The following CSMD1 variants were observed in gnomAD, a reference collection of about 807,000 sequenced individuals.
The protein encoded by CSMD1 is CUB and sushi domain-containing protein 1.
CSMD1 carries 213 observed loss-of-function variants against 417.5 expected under a neutral mutation model. The ratio of observed to expected loss-of-function variants is 0.51; its 90% CI spans 0.46 to 0.57. CSMD1 has a LOEUF of 0.57. Ranked by LOEUF, CSMD1 falls within the 20% of genes least tolerant of loss-of-function variation. The pLI, the probability that CSMD1 is intolerant of heterozygous loss-of-function variation, is 0.00. For synonymous variants in CSMD1, 2,862 were observed against 1,736.8 expected (o/e 1.65, Z -16.11); for missense variants, 6,923 against 4,529.7 (o/e 1.53, Z -15.17).
intron 10 of CSMD1, among the ~76,000 whole-genome samples, chr8:3,563,614 G>T (rs1799568444): frequency 6.6e-6 from 1 of 152,114 alleles, no homozygotes; most frequent in Non-Finnish European, 1.5e-5. Flanking sequence ...AACCTGGCCT[G>T]GCACAGTGGC....
intron 25 of CSMD1, among the ~76,000 whole-genome samples, chr8:3,296,425 GA>G (rs1179207519): frequency 1.3e-5 from 2 of 152,158 alleles, no homozygotes; most frequent in African/African-American, 4.8e-5. Context: ...TGGTGGGAGA[GA>G]GGTGCCTACG....
intron 1 of CSMD1, among the ~76,000 whole-genome samples, chr8:4,770,897 G>A (rs937139313): frequency 2.6e-5 from 4 of 152,076 alleles, no homozygotes; most frequent in Non-Finnish European, 2.9e-5. Context: ...TGGCCTTGAC[G>A]ATGATTTCCC....
chr8:4,211,208 T>A (rs13272241), intron 3 of CSMD1, among the ~76,000 whole-genome samples: 3 of 152,086 alleles, frequency 2.0e-5, no homozygotes, highest in Non-Finnish European at 1.5e-5. Flanking sequence ...ATTTGCCTTT[T>A]TTTTTTTAGC....
Position 4,417,706 on chromosome 8 carries a change from T to G in CSMD1, c.415+2247A>C, listed in dbSNP as rs183567529. Among the ~76,000 whole-genome samples the G allele has an allele frequency of 3.0e-3, 459 of 152,094 alleles. 6 individuals are homozygous for G. The highest frequency in any genetic ancestry group is 1.7e-3 in the Non-Finnish European group (117 of 67,888). On this transcript the variant is annotated intron_variant, in intron 3 of 69. Coordinates refer to ENST00000635120, the MANE Select transcript of CSMD1 (RefSeq NM_033225.6). ...TAAAAACTAATGGGAAAAGAGGAAA[T>G]CTGAGGTATCAGAAAGAGAATTTTG... is the stretch of plus-strand genomic sequence containing the variant.
Position 4,384,843 on chromosome 8 carries a change from G to T in CSMD1, c.415+35110C>A, listed in dbSNP as rs137916313. On this transcript the variant is annotated intron_variant, in intron 3 of 69. Transcript: ENST00000635120. Reference sequence around the variant, plus strand: ...GCTACCTAATTTGAGTAGAGAAAGAGGCTACTGTTTGATCTTAACAAATAC... The same window carrying T: ...GCTACCTAATTTGAGTAGAGAAAGATGCTACTGTTTGATCTTAACAAATAC... 5.9e-3 allele frequency among the ~76,000 whole-genome samples: 902 copies of T among 152,206 alleles called. 5 individuals carry two copies. The highest frequency in any genetic ancestry group is 1.0e-2 in the Non-Finnish European group (678 of 68,012).
chr8:4,888,162 T>C (rs932081018), intron 1 of CSMD1, among the ~76,000 whole-genome samples: 2 of 151,846 alleles, frequency 1.3e-5, no homozygotes, highest in African/African-American at 4.8e-5. Context: ...TATGAATAAA[T>C]TGATACATTG....
intron 3 of CSMD1, among the ~76,000 whole-genome samples, chr8:4,276,041 A>G (rs1210460577): frequency 6.6e-6 from 1 of 152,158 alleles, no homozygotes; most frequent in East Asian, 1.9e-4. Flanking sequence ...AATTAGTTCA[A>G]CCGTTGTGGA....
chr8:4,039,468 C>A (rs1563350633), intron 3 of CSMD1, among the ~76,000 whole-genome samples: 1 of 152,198 alleles, frequency 6.6e-6, no homozygotes. Context: ...TACATTTCTT[C>A]TCTTTACTGG....
chr8:3,970,861 C>T (rs566030004), intron 5 of CSMD1, among the ~76,000 whole-genome samples: 14 of 152,252 alleles, frequency 9.2e-5, no homozygotes, highest in Non-Finnish European at 1.6e-4. Context: ...ACGCCATTCT[C>T]CTGCCTCAGC....
chr8:4,613,171 T>C (rs1042882687), intron 2 of CSMD1, among the ~76,000 whole-genome samples: 2 of 152,142 alleles, frequency 1.3e-5, no homozygotes, highest in African/African-American at 2.4e-5. Context: ...ACAAGAACAA[T>C]TCTAATTCAT....
At chr8:4,445,406 TCTAATA>T (rs1216508296) in intron 2 of CSMD1, among the ~76,000 whole-genome samples, 3 of 152,322 alleles carry the variant, frequency 2.0e-5, no homozygotes, top group Admixed American at 1.3e-4. Flanking sequence ...TTTGGATTAT[TCTAATA>T]CTATTTCTTA....
At chr8:4,428,735 A>C (rs1797702797) in intron 2 of CSMD1, among the ~76,000 whole-genome samples, 1 of 151,998 alleles carries the variant, frequency 6.6e-6, no homozygotes, top group Admixed American at 6.6e-5. Flanking sequence ...TTATTTATTT[A>C]TTGAGAAGGA....
At chr8:4,652,081 C>A (rs1266960129) in intron 1 of CSMD1, among the ~76,000 whole-genome samples, 4 of 152,092 alleles carry the variant, frequency 2.6e-5, no homozygotes, top group Non-Finnish European at 5.9e-5. Context: ...ATTGTCAAAT[C>A]TTTAACACAA....
chr8:4,721,172 C>G (rs182103435), intron 1 of CSMD1, among the ~76,000 whole-genome samples: 51 of 152,258 alleles, frequency 3.3e-4, no homozygotes, highest in Non-Finnish European at 5.7e-4. Context: ...TCAAATTAAA[C>G]TATTGCGATC....
At chr8:4,134,370 G>A (rs955739000) in intron 3 of CSMD1, among the ~76,000 whole-genome samples, 1 of 152,222 alleles carries the variant, frequency 6.6e-6, no homozygotes. Flanking sequence ...ATTCTTATAT[G>A]AAGAAATCGG....
intron 1 of CSMD1, among the ~76,000 whole-genome samples, chr8:4,836,898 G>A (rs1265704074): frequency 6.6e-6 from 1 of 152,112 alleles, no homozygotes; most frequent in Non-Finnish European, 1.5e-5. Flanking sequence ...TCTGTCTGAG[G>A]CTATGGTTGC....
chr8:4,621,010 A>G (rs1365992244), intron 2 of CSMD1, among the ~76,000 whole-genome samples: 2 of 152,052 alleles, frequency 1.3e-5, no homozygotes, highest in Non-Finnish European at 2.9e-5. Context: ...ATTAATACAA[A>G]TCAGCAATAT....
intron 23 of CSMD1, among the ~76,000 whole-genome samples, chr8:3,318,619 G>T (rs551822033): frequency 6.6e-6 from 1 of 152,176 alleles, no homozygotes; most frequent in African/African-American, 2.4e-5. Flanking sequence ...CAATGTATAA[G>T]CATGGTTTTG....
chr8:3,449,676 CCTGGCTAA>C (rs1204151013), intron 12 of CSMD1, among the ~76,000 whole-genome samples: 1 of 152,064 alleles, frequency 6.6e-6, no homozygotes, highest in Non-Finnish European at 1.5e-5. Flanking sequence ...TGCAACCATG[CCTGGCTAA>C]TTTTTGTATT....
Sources: allele counts gnomAD v4.1 joint callset (sites outside exome capture counted in the v4.1 genomes callset), GRCh38; gene constraint gnomAD v4.1.1; transcripts MANE v1.5; gene names NCBI Gene and HGNC (gene_info 2026-07-23, HGNC 2026-07-21).